CD99L2: variants seen among roughly 807,000 people sequenced by gnomAD.
The protein encoded by CD99L2 is CD99 molecule like 2.
A neutral mutation model predicts 27.3 loss-of-function variants in CD99L2; 24 were observed. The observed-to-expected ratio is 0.88, with a 90% CI of 0.64 to 1.24. The LOEUF (loss-of-function observed/expected upper bound fraction) is 1.24. CD99L2 is among the 50% of genes most tolerant of loss of function. The pLI is 0.00. For synonymous variants in CD99L2, 97 were observed against 87.9 expected (o/e 1.10, Z -0.58); for missense variants, 255 against 221.6 (o/e 1.15, Z -0.96).
At chrX:150,844,163 A>G (rs1473160077) in intron 1 of CD99L2, among the ~76,000 whole-genome samples, 1 of 112,266 alleles carries the variant, frequency 8.9e-6, no homozygotes, top group Non-Finnish European at 1.9e-5. Context: ...CCATTTAATA[A>G]GAATGTTTCA....
chrX:150,854,103 A>AT (rs1438858042), intron 1 of CD99L2, among the ~76,000 whole-genome samples: 4 of 110,773 alleles, frequency 3.6e-5, no homozygotes, highest in East Asian at 5.7e-4. Context: ...CAACCCCCAC[A>AT]TAACAGGAGC....
intron 4 of CD99L2, among the ~76,000 whole-genome samples, chrX:150,813,195 G>A (rs1287782234): frequency 8.1e-5 from 9 of 111,431 alleles, no homozygotes; most frequent in African/African-American, 2.0e-4. Flanking sequence ...ACCTACACAC[G>A]TGATAAAATT....
intron 1 of CD99L2, among the ~76,000 whole-genome samples, chrX:150,892,920 G>A (rs1196669370): frequency 8.9e-6 from 1 of 111,745 alleles, no homozygotes; most frequent in Non-Finnish European, 1.9e-5. Context: ...TCAGGAGTTT[G>A]AGACCAGCCT....
intron 9 of CD99L2, among the ~76,000 whole-genome samples, chrX:150,772,419 G>A (rs1035434726): frequency 8.9e-6 from 1 of 112,630 alleles, no homozygotes; most frequent in African/African-American, 3.2e-5. Context: ...CAGGACGGGG[G>A]ACAGCAGAGG....
intron 4 of CD99L2, among the ~76,000 whole-genome samples, chrX:150,797,628 A>G (rs2045817432): frequency 8.9e-6 from 1 of 112,785 alleles, no homozygotes; most frequent in Non-Finnish European, 1.9e-5. Flanking sequence ...AAAACAATCT[A>G]GAAAAAGAAC....
At position 150,768,592 on chromosome X, in the gene CD99L2, C is replaced by G. The variant is rs1184263476; in HGVS notation, c.*442G>C. On this transcript the variant is annotated 3_prime_UTR_variant, in exon 11 of 11. Coordinates refer to ENST00000370377, the MANE Select transcript of CD99L2 (RefSeq NM_031462.4). ...GCCCCCCACCTGCAGCTCCTTGAGG[C>G]CACTGTCAGGGGCTGTCTATTGGCA... 1 of 125,549 alleles carries G rather than the reference C, an allele frequency of 8.0e-6. No homozygotes were observed. The highest frequency in any genetic ancestry group is 2.2e-4 in the East Asian group (1 of 4,512). The allele number at this position is 125,549 out of a possible 1,213,427, so 10.3% of individuals were successfully genotyped here.
At chrX:150,847,723 T>G (rs1475526901) in intron 1 of CD99L2, among the ~76,000 whole-genome samples, 2 of 110,747 alleles carry the variant, frequency 1.8e-5, no homozygotes, top group African/African-American at 6.6e-5. Context: ...GTTCCCTGTT[T>G]GTTTCACTGA....
intron 7 of CD99L2, among the ~76,000 whole-genome samples, chrX:150,788,887 G>A (rs193086487): frequency 1.8e-5 from 2 of 111,905 alleles, no homozygotes; most frequent in African/African-American, 3.2e-5. Context: ...ATGAATGAGC[G>A]TTCTTGTTGC....
intron 1 of CD99L2, among the ~76,000 whole-genome samples, chrX:150,847,900 GATC>G (rs1410253088): frequency 3.6e-5 from 4 of 111,044 alleles, no homozygotes; most frequent in Non-Finnish European, 7.6e-5. Context: ...GCCAGGCAGC[GATC>G]ATCTTTCCCC....
At chrX:150,878,367 T>C (rs1376252936) in intron 1 of CD99L2, among the ~76,000 whole-genome samples, 1 of 106,327 alleles carries the variant, frequency 9.4e-6, no homozygotes, top group African/African-American at 3.4e-5. Flanking sequence ...GAAAACACCA[T>C]GGGGGAAAAA....
intron 9 of CD99L2, among the ~76,000 whole-genome samples, chrX:150,770,688 C>T (rs2043432190): frequency 8.8e-6 from 1 of 113,037 alleles, no homozygotes; most frequent in Non-Finnish European, 1.9e-5. Context: ...AGGGGGCGCC[C>T]GATGGCAGGG....
intron 1 of CD99L2, among the ~76,000 whole-genome samples, chrX:150,884,557 TG>T (rs1473659089): frequency 4.5e-5 from 5 of 111,934 alleles, no homozygotes; most frequent in Admixed American, 1.9e-4. Context: ...CATGCACCTG[TG>T]GTCCCAGTGA....
chrX:150,898,559 G>C lies in CD99L2; in HGVS notation c.30C>G (p.Val10=). The C allele has an allele frequency of 1.8e-6, 2 of 1,119,709 alleles. No homozygotes were observed. The highest frequency in any genetic ancestry group is 2.3e-6 in the Non-Finnish European group (2 of 851,999). 92.3% of individuals were successfully genotyped at this position (1,119,709 alleles called of 1,213,427 possible). A position where few individuals can be genotyped will look rare whatever the true frequency, so the allele number is the denominator to read the frequency against. The change falls in exon 1 of 11, where the codon GTC becomes GTG. Residue 10 remains valine, a synonymous_variant. Transcript: ENST00000370377. MVAWRSAFL[V]CLAFSLATLV... ...GGGTGGCCAAGGAGAAAGCGAGGCA[G>C]ACAAGGAACGCCGAGCGCCAGGCCA...
At chrX:150,781,071 C>T (rs782193763) in intron 7 of CD99L2, among the ~76,000 whole-genome samples, 1 of 111,726 alleles carries the variant, frequency 9.0e-6, no homozygotes, top group South Asian at 3.7e-4. Flanking sequence ...TTCATCACAG[C>T]ACTGTGCAGA....
intron 7 of CD99L2, among the ~76,000 whole-genome samples, chrX:150,789,461 A>G (rs2045651419): frequency 8.9e-6 from 1 of 111,999 alleles, no homozygotes; most frequent in Admixed American, 9.4e-5. Context: ...GTCCTTTATC[A>G]GGTATATGAT....
At chrX:150,784,411 T>A (rs1557419500) in intron 7 of CD99L2, among the ~76,000 whole-genome samples, 1 of 111,499 alleles carries the variant, frequency 9.0e-6, no homozygotes, top group East Asian at 2.9e-4. Context: ...TTAGAGGACA[T>A]GACCTGAGGC....
At chrX:150,842,856 G>A (rs1273884823) in intron 1 of CD99L2, among the ~76,000 whole-genome samples, 2 of 112,180 alleles carry the variant, frequency 1.8e-5, no homozygotes, top group African/African-American at 6.5e-5. Context: ...AAGTTCCATA[G>A]GACAGTGCTG....
At chrX:150,801,054 C>CA (rs2045898216) in intron 4 of CD99L2, among the ~76,000 whole-genome samples, 1 of 109,514 alleles carries the variant, frequency 9.1e-6, no homozygotes, top group African/African-American at 3.3e-5. Flanking sequence ...AAAAAAACCC[C>CA]AAAAAAACAA....
chrX:150,871,279 C>T (rs58565727), intron 1 of CD99L2, among the ~76,000 whole-genome samples: 25,502 of 110,864 alleles, frequency 0.23, 2,531 homozygotes, highest in African/African-American at 0.39. Flanking sequence ...TAACTAAAAA[C>T]AGGCTCTGAC....
Sources: gnomAD v4.1 joint callset for allele counts (sites outside exome capture counted in the v4.1 genomes callset) on GRCh38, gnomAD v4.1.1 for gene constraint, MANE v1.5 for transcripts, NCBI Gene and HGNC (gene_info 2026-07-23, HGNC 2026-07-21) for gene names.